The following COL21A1 variants were observed in gnomAD, a reference collection of about 807,000 sequenced individuals.
COL21A1 encodes the protein collagen alpha-1(XXI) chain.
COL21A1 carries 149 observed loss-of-function variants against 137.9 expected under a neutral mutation model. That is an observed-to-expected ratio of 1.08 (90% confidence interval 0.95 to 1.24). The LOEUF is 1.24. Ranked by LOEUF, COL21A1 falls within the 50% of genes most tolerant of loss-of-function variation. The probability of loss-of-function intolerance (pLI) is 0.00; values close to 1 mark genes in which losing one functional copy is unlikely to be tolerated. For synonymous variants in COL21A1, 456 were observed against 391.5 expected (o/e 1.16, Z -1.95); for missense variants, 1,167 against 1,158.4 (o/e 1.01, Z -0.11).
chr6:56,060,108 C>T lies in COL21A1; in HGVS notation c.2518G>A (p.Gly840Ser), dbSNP rs1204222305. ...GGCAAACCAGGTAATCCTCTGGGAC[C>T]CTCTGGGCCTATCGGACCAGGTGGC... Reference protein sequence around the residue: ...PGPPGPIGPEGPRGLPGLPGR... With the variant: ...PGPPGPIGPESPRGLPGLPGR... Residue 840 changes from glycine (G) to serine (S), a missense_variant, in exon 28 of 30, where the codon GGT becomes AGT. Coordinates refer to ENST00000244728, the MANE Select transcript of COL21A1 (RefSeq NM_030820.4). 2.5e-6 allele frequency: 4 copies of T among 1,610,102 alleles called. No homozygotes were observed. Among genetic ancestry groups the T allele is most frequent in the Non-Finnish European group, 2.5e-6 (3 of 1,178,844 alleles).
intron 16 of COL21A1, among the ~76,000 whole-genome samples, chr6:56,120,464 A>G (rs1248634122): frequency 6.6e-6 from 1 of 152,220 alleles, no homozygotes; most frequent in African/African-American, 2.4e-5. Context: ...GTAAATTAGT[A>G]CAACCACTGT....
chr6:56,316,477 C>CTTTTTTTTTTTTTTTTTTTTTTT (rs60388494), intron 1 of COL21A1, among the ~76,000 whole-genome samples: 1 of 75,790 alleles, frequency 1.3e-5, no homozygotes, highest in African/African-American at 5.0e-5. Context: ...TCTAAATAGA[C>CTTTTTTTTTTTTTTTTTTTTTTT]TTTTTTTTTT....
intron 1 of COL21A1, among the ~76,000 whole-genome samples, chr6:56,294,954 A>G (rs1015334524): frequency 6.6e-6 from 1 of 151,956 alleles, no homozygotes; most frequent in African/African-American, 2.4e-5. Context: ...ATAAAGTCCA[A>G]CTTCTCAATT....
chr6:56,191,313 GACAA>G lies in COL21A1; in HGVS notation c.-38-8661_-38-8658del, dbSNP rs564856841. On this transcript the variant is annotated intron_variant, in intron 1 of 29. Transcript: ENST00000244728. Reference sequence around the variant, plus strand: ...CAAGTATTCCCATACACCAATAACAGACAAACAGAGAGCCAATAATCCCAGCGCT... The same window carrying G: ...CAAGTATTCCCATACACCAATAACAGACAGAGAGCCAATAATCCCAGCGCT... 1.4e-3 allele frequency among the ~76,000 whole-genome samples: 218 copies of G among 151,896 alleles called. 1 individual carries two copies. Among genetic ancestry groups the G allele is most frequent in the Non-Finnish European group, 2.4e-3 (160 of 67,968 alleles).
At chr6:56,174,299 G>A (rs759018168) in intron 3 of COL21A1, among the ~76,000 whole-genome samples, 18 of 151,924 alleles carry the variant, frequency 1.2e-4, no homozygotes, top group Middle Eastern at 3.4e-3. Context: ...AACTAAGCCC[G>A]AAGTTAGCAG....
chr6:56,129,671 CGTGCGTGTGT>C (rs1561897347), intron 12 of COL21A1, among the ~76,000 whole-genome samples: 1 of 85,772 alleles, frequency 1.2e-5, no homozygotes, highest in Non-Finnish European at 2.2e-5. Context: ...CTGTCACGTG[CGTGCGTGTGT>C]GTGTGTGTGT....
intron 1 of COL21A1, among the ~76,000 whole-genome samples, chr6:56,240,175 T>TTA (rs1554169071): frequency 3.3e-5 from 5 of 151,566 alleles, no homozygotes; most frequent in East Asian, 3.9e-4. Context: ...TTTTTTTTTT[T>TTA]AAATAAACTA....
intron 1 of COL21A1, among the ~76,000 whole-genome samples, chr6:56,211,987 T>G (rs1780202538): frequency 6.6e-6 from 1 of 152,136 alleles, no homozygotes; most frequent in Non-Finnish European, 1.5e-5. Context: ...ACGTAGGCAC[T>G]GGAGAAAAAG....
rs547312510 is a variant in COL21A1, at chr6:56,174,614, T to A, written c.641-3486A>T. 2.0e-4 allele frequency among the ~76,000 whole-genome samples: 31 copies of A among 151,980 alleles called. 1 individual carries two copies. In the South Asian group the frequency reaches 6.4e-3, roughly 32 times the overall value. ...CTACCAAAACTGAAACATGAATAAA[T>A]AGAATATATGAACATACCTATAACT... On this transcript the variant is annotated intron_variant, in intron 3 of 29. Transcript: ENST00000244728.
At chr6:56,112,677 T>C (rs1771541449) in intron 16 of COL21A1, among the ~76,000 whole-genome samples, 1 of 147,420 alleles carries the variant, frequency 6.8e-6, no homozygotes, top group Non-Finnish European at 1.5e-5. Flanking sequence ...TTTTTTTTCT[T>C]TTCTTTTTTC....
intron 16 of COL21A1, among the ~76,000 whole-genome samples, chr6:56,116,360 G>A (rs1771916472): frequency 7.5e-6 from 1 of 134,190 alleles, no homozygotes; most frequent in Non-Finnish European, 1.6e-5. Context: ...CCAGGAGAGA[G>A]TAGCATGATG....
chr6:56,158,266 C>CTTTTTTTTTTTTTTTTTTTTTTTTTTTTT (rs67453245), intron 9 of COL21A1, among the ~76,000 whole-genome samples: 6 of 62,406 alleles, frequency 9.6e-5, no homozygotes, highest in Admixed American at 2.5e-4. Flanking sequence ...TTTTTTTTTT[C>CTTTTTTTTTTTTTTTTTTTTTTTTTTTTT]TTTTTTTTTT....
At chr6:56,182,289 G>GACTCAATACCAGC (rs1777962378) in intron 2 of COL21A1, among the ~76,000 whole-genome samples, 1 of 152,104 alleles carries the variant, frequency 6.6e-6, no homozygotes, top group East Asian at 1.9e-4. Context: ...ATACCAGACT[G>GACTCAATACCAGC]TTTGTTCCAA....
At chr6:56,314,693 C>T (rs1327909696) in intron 1 of COL21A1, among the ~76,000 whole-genome samples, 1 of 152,108 alleles carries the variant, frequency 6.6e-6, no homozygotes, top group Non-Finnish European at 1.5e-5. Context: ...TTCATAGCTC[C>T]AACTTTGGAT....
chr6:56,129,701 A>ATGT (rs1773358710), intron 12 of COL21A1, among the ~76,000 whole-genome samples: 1 of 46,550 alleles, frequency 2.1e-5, no homozygotes, highest in African/African-American at 8.4e-5. Context: ...TGTGTGTGTG[A>ATGT]GAGAGAGAGA....
intron 16 of COL21A1, among the ~76,000 whole-genome samples, chr6:56,106,950 C>A (rs945372927): frequency 6.6e-6 from 1 of 152,056 alleles, no homozygotes; most frequent in African/African-American, 2.4e-5. Flanking sequence ...CCACGCCCGG[C>A]TAATTTTTTT....
At chr6:56,344,862 G>A (rs111387463) in intron 1 of COL21A1, among the ~76,000 whole-genome samples, 4,417 of 151,562 alleles carry the variant, frequency 0.029, 199 homozygotes, top group African/African-American at 0.1. Context: ...GCCTTCCACC[G>A]TGATTATAAG....
intron 16 of COL21A1, among the ~76,000 whole-genome samples, chr6:56,112,033 C>T (rs890513504): frequency 6.6e-6 from 1 of 151,310 alleles, no homozygotes; most frequent in Non-Finnish European, 1.5e-5. Context: ...CACACAATTT[C>T]AAGGTTTATT....
At chr6:56,129,707 AG>A (rs1773362729) in intron 12 of COL21A1, among the ~76,000 whole-genome samples, 12 of 139,544 alleles carry the variant, frequency 8.6e-5, no homozygotes, top group African/African-American at 2.6e-4. Flanking sequence ...TGTGAGAGAG[AG>A]AGAGAGAGAG....
Sources: allele counts gnomAD v4.1 joint callset (sites outside exome capture counted in the v4.1 genomes callset), GRCh38; gene constraint gnomAD v4.1.1; transcripts MANE v1.5; gene names NCBI Gene and HGNC (gene_info 2026-07-23, HGNC 2026-07-21).